FAM168A: variants seen among roughly 807,000 people sequenced by gnomAD.
The protein encoded by FAM168A is family with sequence similarity 168 member A, also known as protein FAM168A.
In FAM168A, 3 loss-of-function variants were observed where a neutral mutation model predicts 28.5. That is an observed-to-expected ratio of 0.11 (90% CI 0.05 to 0.27). FAM168A has a LOEUF of 0.27. FAM168A is among the 10% of genes least tolerant of loss of function. The pLI is 1.00. For missense variants in FAM168A, 222 were observed against 311.5 expected, an observed-to-expected ratio of 0.71 and a Z score of 2.16; for synonymous variants, 122 against 124.2, an observed-to-expected ratio of 0.98 and a Z score of 0.12.
chr11:73,476,485 A>C (rs1282483228), intron 1 of FAM168A, among the ~76,000 whole-genome samples: 2 of 152,190 alleles, frequency 1.3e-5, no homozygotes, highest in African/African-American at 4.8e-5. Flanking sequence ...TGGAATCCGA[A>C]TCAAGAATTG....
At chr11:73,452,822 ATAAGT>A (rs1330353084) in intron 2 of FAM168A, among the ~76,000 whole-genome samples, 3 of 151,628 alleles carry the variant, frequency 2.0e-5, no homozygotes, top group Non-Finnish European at 2.9e-5. Flanking sequence ...AATAATAATA[ATAAGT>A]AAAATAATGA....
At chr11:73,517,501 T>C (rs1943319462) in intron 1 of FAM168A, among the ~76,000 whole-genome samples, 1 of 152,132 alleles carries the variant, frequency 6.6e-6, no homozygotes, top group Non-Finnish European at 1.5e-5. Context: ...CAGAAAAAGA[T>C]TCTATATTAT....
chr11:73,411,946 G>C (rs1045918768), intron 4 of FAM168A, among the ~76,000 whole-genome samples: 2 of 152,094 alleles, frequency 1.3e-5, no homozygotes, highest in Admixed American at 6.5e-5. Context: ...TTCTCACACA[G>C]AATCCAGGGT....
chr11:73,537,103 T>C (rs1208649088), intron 1 of FAM168A, among the ~76,000 whole-genome samples: 1 of 152,204 alleles, frequency 6.6e-6, no homozygotes, highest in East Asian at 1.9e-4. Context: ...TAGAAGTTTG[T>C]CAGGCAAAAC....
intron 1 of FAM168A, among the ~76,000 whole-genome samples, chr11:73,481,155 G>T (rs1481342514): frequency 6.6e-6 from 1 of 152,184 alleles, no homozygotes; most frequent in Non-Finnish European, 1.5e-5. Context: ...CTAGGCTCAA[G>T]TGATCCTCCT....
intron 1 of FAM168A, among the ~76,000 whole-genome samples, chr11:73,532,570 A>G (rs74558237): frequency 0.013 from 1,919 of 152,328 alleles, 38 homozygotes; most frequent in African/African-American, 0.044. Context: ...TAGAGCTTCC[A>G]CTAAAGGAAT....
At chr11:73,596,717 A>T (rs11606281) in intron 1 of FAM168A, among the ~76,000 whole-genome samples, 47,888 of 151,592 alleles carry the variant, frequency 0.32, 9,248 homozygotes, top group Admixed American at 0.47. Context: ...CACCACCAAA[A>T]TAATCCAACC....
At chr11:73,595,370 T>C (rs1944431401) in intron 1 of FAM168A, among the ~76,000 whole-genome samples, 1 of 152,168 alleles carries the variant, frequency 6.6e-6, no homozygotes, top group South Asian at 2.1e-4. Flanking sequence ...AGATTCTAAA[T>C]GGTATTTTTA....
intron 1 of FAM168A, among the ~76,000 whole-genome samples, chr11:73,495,030 C>G (rs1854841008): frequency 6.7e-6 from 1 of 148,420 alleles, no homozygotes; most frequent in Non-Finnish European, 1.5e-5. Flanking sequence ...AAAAAAGAAG[C>G]TAAAGGCTCA....
chr11:73,594,888 G>A (rs993045688), intron 1 of FAM168A, among the ~76,000 whole-genome samples: 1 of 152,114 alleles, frequency 6.6e-6, no homozygotes, highest in Non-Finnish European at 1.5e-5. Context: ...GTAGAACTGG[G>A]ATTTGAATCT....
At chr11:73,591,745 A>G (rs1944384549) in intron 1 of FAM168A, among the ~76,000 whole-genome samples, 2 of 152,204 alleles carry the variant, frequency 1.3e-5, no homozygotes, top group Non-Finnish European at 2.9e-5. Flanking sequence ...CCTGGGCTCA[A>G]GCGATCTTCC....
At chr11:73,431,740 TG>T (rs34669256) in intron 2 of FAM168A, among the ~76,000 whole-genome samples, 5 of 151,732 alleles carry the variant, frequency 3.3e-5, no homozygotes, top group South Asian at 4.1e-4. Flanking sequence ...ATATTCAGTT[TG>T]GGGGATTTTT....
intron 6 of FAM168A, 101 bp from the exon 7 acceptor site, chr11:73,407,744 C>A: frequency 2.2e-6 from 2 of 925,270 alleles, no homozygotes; most frequent in Non-Finnish European, 3.3e-6. Context: ...TCCCTCTGCC[C>A]AAATCCCCCA....
intron 1 of FAM168A, among the ~76,000 whole-genome samples, chr11:73,586,363 T>C (rs756551628): frequency 6.6e-6 from 1 of 152,086 alleles, no homozygotes; most frequent in South Asian, 2.1e-4. Context: ...GGATGATCAC[T>C]TGAGTCCAGG....
At chr11:73,431,807 A>G (rs930787777) in intron 2 of FAM168A, among the ~76,000 whole-genome samples, 3 of 152,172 alleles carry the variant, frequency 2.0e-5, no homozygotes, top group African/African-American at 4.8e-5. Context: ...CAATTTAACC[A>G]TTTTTAAATA....
intron 4 of FAM168A, among the ~76,000 whole-genome samples, chr11:73,414,473 C>T (rs1317115484): frequency 1.3e-5 from 2 of 152,152 alleles, no homozygotes; most frequent in Non-Finnish European, 2.9e-5. Context: ...TCAGAAGGTG[C>T]CTGTTTCTGA....
chr11:73,546,061 G>A (rs1427033364), intron 1 of FAM168A, among the ~76,000 whole-genome samples: 1 of 152,094 alleles, frequency 6.6e-6, no homozygotes, highest in Non-Finnish European at 1.5e-5. Context: ...TTACTACTGA[G>A]CATACTTAAG....
Position 73,544,949 on chromosome 11 carries a change from A to T in FAM168A, c.-19+52974T>A, listed in dbSNP as rs1357884103. The stretch of plus-strand genomic sequence containing the variant: ...ATATAAAATATATTATGTAATATAT[A>T]ATATATTATATATAATATATATTAT... On this transcript the variant is annotated intron_variant, in intron 1 of 7. Transcript: ENST00000356467. 5.4e-4 allele frequency among the ~76,000 whole-genome samples: 50 copies of T among 92,624 alleles called. 1 individual carries two copies. The highest frequency in any genetic ancestry group is 4.2e-3 in the Middle Eastern group (1 of 240). The allele number at this position is 92,624 out of a possible 152,430, so 60.8% of individuals were successfully genotyped here.
intron 1 of FAM168A, among the ~76,000 whole-genome samples, chr11:73,544,869 T>TTA (rs1274975816): frequency 1.1e-5 from 1 of 92,382 alleles, no homozygotes; most frequent in Middle Eastern, 4.6e-3. Context: ...TAATATATAA[T>TTA]TATATATATT....
Sources: gnomAD v4.1 joint callset for allele counts (sites outside exome capture counted in the v4.1 genomes callset) on GRCh38, gnomAD v4.1.1 for gene constraint, MANE v1.5 for transcripts, NCBI Gene and HGNC (gene_info 2026-07-23, HGNC 2026-07-21) for gene names.